HYDIN: variants seen among roughly 807,000 people sequenced by gnomAD.
HYDIN encodes the protein HYDIN axonemal central pair apparatus protein.
A neutral mutation model predicts 403.9 loss-of-function variants in HYDIN; 132 were observed. The observed-to-expected ratio is 0.33, with a 90% CI of 0.28 to 0.38. The LOEUF (loss-of-function observed/expected upper bound fraction) is 0.38. HYDIN is among the 10% of genes least tolerant of loss of function. The pLI, the probability that HYDIN is intolerant of heterozygous loss-of-function variation, is 1.00. For missense variants in HYDIN, 2,827 were observed against 5,009.5 expected, an observed-to-expected ratio of 0.56 and a Z score of 13.15; for synonymous variants, 1,202 against 1,891.7, an observed-to-expected ratio of 0.64 and a Z score of 9.46.
intron 23 of HYDIN, among the ~76,000 whole-genome samples, chr16:71,017,346 GT>G (rs2080296913): frequency 1.3e-5 from 1 of 79,030 alleles, no homozygotes. Flanking sequence ...GCGAAACTCT[GT>G]CTCAAAAAAA....
intron 16 of HYDIN, among the ~76,000 whole-genome samples, 179 bp downstream of exon 16, chr16:71,064,526 T>C (rs866873693): frequency 3.3e-5 from 5 of 152,132 alleles, no homozygotes; most frequent in Non-Finnish European, 7.3e-5. Flanking sequence ...TGCTCAGGCA[T>C]GCAGCTAGCA....
At chr16:70,978,526 A>G (rs1482595211) in intron 30 of HYDIN, among the ~76,000 whole-genome samples, 1 of 151,884 alleles carries the variant, frequency 6.6e-6, no homozygotes, top group Non-Finnish European at 1.5e-5. Context: ...TGATCTCTCG[A>G]ATCTACTCTC....
At chr16:71,108,189 G>T (rs147809597) in intron 10 of HYDIN, among the ~76,000 whole-genome samples, 1 of 152,142 alleles carries the variant, frequency 6.6e-6, no homozygotes, top group East Asian at 1.9e-4. Context: ...GTGAGAGGAG[G>T]AAGAGGATCA....
intron 9 of HYDIN, among the ~76,000 whole-genome samples, chr16:71,127,113 T>C (rs892776348): frequency 1.3e-5 from 2 of 152,236 alleles, no homozygotes; most frequent in African/African-American, 2.4e-5. Context: ...TTATAACTGA[T>C]ATTGAGTTCT....
At chr16:70,931,741 G>T (rs1157318213) in intron 45 of HYDIN, among the ~76,000 whole-genome samples, 1 of 152,184 alleles carries the variant, frequency 6.6e-6, no homozygotes, top group Admixed American at 6.5e-5. Context: ...CAGGCTGGGT[G>T]TGGTGGCTCA....
chr16:71,078,393 C>T (rs2082681614), intron 13 of HYDIN, among the ~76,000 whole-genome samples: 1 of 152,074 alleles, frequency 6.6e-6, no homozygotes, highest in South Asian at 2.1e-4. Context: ...TCCATTTCTC[C>T]TATTTTTTAA....
chr16:70,917,191 G>A (rs2076866466), intron 47 of HYDIN, among the ~76,000 whole-genome samples: 1 of 152,204 alleles, frequency 6.6e-6, no homozygotes, highest in Non-Finnish European at 1.5e-5. Context: ...CAAAGTGTGG[G>A]GATTACAGGC....
chr16:71,197,859 T>G (rs1468158427), intron 1 of HYDIN, among the ~76,000 whole-genome samples: 1 of 152,210 alleles, frequency 6.6e-6, no homozygotes, highest in African/African-American at 2.4e-5. Flanking sequence ...GCAATTCTCA[T>G]GCCTCAGCCT....
chr16:70,835,336 G>C (rs1157107680), intron 78 of HYDIN, among the ~76,000 whole-genome samples: 1 of 152,036 alleles, frequency 6.6e-6, no homozygotes, highest in Non-Finnish European at 1.5e-5. Context: ...ATGCACAAAG[G>C]CTTAAGGAGA....
intron 1 of HYDIN, among the ~76,000 whole-genome samples, chr16:71,225,068 G>A (rs923628367): frequency 1.3e-5 from 2 of 152,148 alleles, no homozygotes; most frequent in Admixed American, 1.3e-4. Flanking sequence ...TGTAAAATCT[G>A]GCAAGACGAA....
intron 85 of HYDIN, among the ~76,000 whole-genome samples, chr16:70,808,275 G>A (rs897479593): frequency 1.3e-5 from 2 of 152,192 alleles, no homozygotes; most frequent in African/African-American, 4.8e-5. Flanking sequence ...AAGGCAAAGA[G>A]ATGTTAATAA....
intron 62 of HYDIN, among the ~76,000 whole-genome samples, chr16:70,877,386 C>T (rs1324392195): frequency 6.6e-6 from 1 of 151,998 alleles, no homozygotes; most frequent in East Asian, 1.9e-4. Flanking sequence ...GAACTCCACA[C>T]CTGGACATAT....
In HYDIN at chr16:70,848,996, C is replaced by T. The variant is rs547914551; in HGVS notation, c.12873+730G>A. Reference sequence around the variant, plus strand: ...TTACAACTGATTGTTTTTGAGCAAGCCTGGAGTCAGGTCAAATAAAAGCTA... The same window carrying T: ...TTACAACTGATTGTTTTTGAGCAAGTCTGGAGTCAGGTCAAATAAAAGCTA... On this transcript the variant is annotated intron_variant, in intron 75 of 85. Coordinates refer to ENST00000393567, the MANE Select transcript of HYDIN (RefSeq NM_001270974.2). Among the ~76,000 whole-genome samples the T allele has an allele frequency of 8.9e-4, 135 of 151,788 alleles. 4 individuals are homozygous for T. The East Asian group carries it at 0.026, about 29-fold the overall frequency.
chr16:70,938,851 T>C, intron 43 of HYDIN, 96 bp from the exon 44 acceptor site: 3 of 1,248,280 alleles, frequency 2.4e-6, no homozygotes, highest in Non-Finnish European at 3.4e-6. Flanking sequence ...GTGGGGCAGC[T>C]GGTACGGCGC....
At chr16:71,209,162 T>G (rs752977883) in intron 1 of HYDIN, among the ~76,000 whole-genome samples, 1 of 149,306 alleles carries the variant, frequency 6.7e-6, no homozygotes, top group African/African-American at 2.5e-5. Flanking sequence ...ACTAGCAAAC[T>G]GAATCCAGTA....
chr16:70,958,987 G>A (rs982276232), intron 39 of HYDIN, among the ~76,000 whole-genome samples: 81 of 151,600 alleles, frequency 5.3e-4, no homozygotes, highest in Non-Finnish European at 1.0e-3. Flanking sequence ...GAGTGGTTAC[G>A]AAGTTTAGAT....
chr16:71,217,824 G>A (rs1181227536), intron 1 of HYDIN, among the ~76,000 whole-genome samples: 1 of 152,170 alleles, frequency 6.6e-6, no homozygotes, highest in Non-Finnish European at 1.5e-5. Context: ...TCCCTGCTTT[G>A]CGGGAGAGCC....
intron 35 of HYDIN, among the ~76,000 whole-genome samples, chr16:70,972,006 G>C (rs1437090139): frequency 6.6e-6 from 1 of 151,006 alleles, no homozygotes; most frequent in African/African-American, 2.4e-5. Flanking sequence ...TACTAACTTT[G>C]ACCAATTCCA....
chr16:71,209,392 C>T (rs2088468738), intron 1 of HYDIN, among the ~76,000 whole-genome samples: 1 of 151,748 alleles, frequency 6.6e-6, no homozygotes, highest in South Asian at 2.1e-4. Context: ...AAGGAACATA[C>T]CTCAAAATAA....
Sources: gnomAD v4.1 joint callset for allele counts (sites outside exome capture counted in the v4.1 genomes callset) on GRCh38, gnomAD v4.1.1 for gene constraint, MANE v1.5 for transcripts, NCBI Gene and HGNC (gene_info 2026-07-23, HGNC 2026-07-21) for gene names.